Variants in CERS6 observed in about 807,000 individuals in gnomAD.
CERS6 encodes the protein ceramide synthase 6, also known as LAG1 homolog, ceramide synthase 6.
In CERS6, 26 loss-of-function variants were observed where a neutral mutation model predicts 56.8. That is an observed-to-expected ratio of 0.46 (90% CI 0.34 to 0.63). CERS6 has a LOEUF of 0.63. Among genes scored for constraint, CERS6 ranks in the 30% least tolerant of loss-of-function variants. The pLI, the probability that CERS6 is intolerant of heterozygous loss-of-function variation, is 0.01. For synonymous variants in CERS6, 164 were observed against 173.3 expected, an observed-to-expected ratio of 0.95 and a Z score of 0.42; for missense variants, 415 against 467.5, an observed-to-expected ratio of 0.89 and a Z score of 1.04.
At chr2:168,686,697 C>T (rs1459701698) in intron 4 of CERS6, among the ~76,000 whole-genome samples, 4 of 152,038 alleles carry the variant, frequency 2.6e-5, no homozygotes. Context: ...CCCAGAGTAC[C>T]CAGCGGAAGG....
chr2:168,459,000 T>A (rs1301574888), intron 1 of CERS6, among the ~76,000 whole-genome samples: 1 of 152,244 alleles, frequency 6.6e-6, no homozygotes, highest in Non-Finnish European at 1.5e-5. Context: ...CAACTCACAT[T>A]CAATGGCCTT....
At chr2:168,586,612 G>T (rs765948710) in intron 3 of CERS6, among the ~76,000 whole-genome samples, 7 of 152,066 alleles carry the variant, frequency 4.6e-5, no homozygotes, top group African/African-American at 7.2e-5. Context: ...TAAAATGATT[G>T]TTTGGGGTCC....
chr2:168,757,161 G>A (rs1684438221), intron 8 of CERS6, among the ~76,000 whole-genome samples: 1 of 152,076 alleles, frequency 6.6e-6, no homozygotes, highest in African/African-American at 2.4e-5. Context: ...TCTCTCTTAT[G>A]TACACATAGG....
intron 3 of CERS6, among the ~76,000 whole-genome samples, chr2:168,596,546 TC>T (rs368692828): frequency 0.034 from 3,635 of 106,260 alleles, 186 homozygotes; most frequent in African/African-American, 0.11. Flanking sequence ...CAGGGCCCCA[TC>T]CCCCCCCCTT....
intron 4 of CERS6, among the ~76,000 whole-genome samples, chr2:168,657,640 C>T (rs1685518915): frequency 6.6e-6 from 1 of 152,250 alleles, no homozygotes; most frequent in Admixed American, 6.5e-5. Context: ...TGGACCGGCA[C>T]TGCTGGGGGA....
At chr2:168,631,158 A>C (rs4667585) in intron 4 of CERS6, 116 bp downstream of exon 4, 353,364 of 509,556 alleles carry the variant, frequency 0.69, 127,000 homozygotes, top group Admixed American at 0.76. Flanking sequence ...CAGGCTTCCT[A>C]AGAATTATTT....
intron 6 of CERS6, among the ~76,000 whole-genome samples, chr2:168,699,785 G>T (rs762732125): frequency 6.6e-6 from 1 of 152,092 alleles, no homozygotes; most frequent in Non-Finnish European, 1.5e-5. Context: ...AATAAAAGAT[G>T]TTTAAAACAT....
chr2:168,503,220 C>T (rs116001537), intron 1 of CERS6, among the ~76,000 whole-genome samples: 2,516 of 152,262 alleles, frequency 0.017, 50 homozygotes, highest in African/African-American at 0.058. Context: ...TTCCTGAGGC[C>T]TCCCCAGCCA....
chr2:168,608,963 T>C (rs1684120051), intron 3 of CERS6, among the ~76,000 whole-genome samples: 1 of 152,196 alleles, frequency 6.6e-6, no homozygotes, highest in African/African-American at 2.4e-5. Context: ...CTCCAATGAG[T>C]CAGTGTCAGG....
chr2:168,665,501 A>G (rs977761801), intron 4 of CERS6, among the ~76,000 whole-genome samples: 1 of 152,106 alleles, frequency 6.6e-6, no homozygotes, highest in African/African-American at 2.4e-5. Context: ...GGTGGGAACT[A>G]TTGTATCTCT....
At chr2:168,458,084 G>A (rs1226289206) in intron 1 of CERS6, among the ~76,000 whole-genome samples, 3 of 152,102 alleles carry the variant, frequency 2.0e-5, no homozygotes, top group Non-Finnish European at 4.4e-5. Context: ...TAGAGCAAAT[G>A]TTTGGTTACA....
At chr2:168,470,488 C>T (rs1012323327) in intron 1 of CERS6, among the ~76,000 whole-genome samples, 3 of 152,060 alleles carry the variant, frequency 2.0e-5, no homozygotes, top group Admixed American at 2.0e-4. Context: ...TAAAAGGCTC[C>T]CCATTAAGTG....
At chr2:168,487,814 G>C (rs1694301704) in intron 1 of CERS6, among the ~76,000 whole-genome samples, 1 of 152,092 alleles carries the variant, frequency 6.6e-6, no homozygotes, top group Non-Finnish European at 1.5e-5. Flanking sequence ...TTAAACTCCT[G>C]GGTTCAACCA....
At chr2:168,645,148 G>T (rs1322757845) in intron 4 of CERS6, among the ~76,000 whole-genome samples, 486 of 29,300 alleles carry the variant, frequency 0.017, 10 homozygotes, top group African/African-American at 0.055. Context: ...TATATAGAGA[G>T]AGAGAGAGAG....
intron 9 of CERS6, chr2:168,766,445 A>G: frequency 9.5e-7 from 1 of 1,057,920 alleles, no homozygotes; most frequent in South Asian, 1.3e-5. Context: ...TGTTCTGTCT[A>G]ACCTATTGGC....
intron 1 of CERS6, among the ~76,000 whole-genome samples, chr2:168,541,508 G>A (rs902478267): frequency 2.7e-5 from 4 of 150,764 alleles, no homozygotes; most frequent in Admixed American, 2.6e-4. Flanking sequence ...GCATGGTTCA[G>A]GTTCACTGAA....
intron 6 of CERS6, among the ~76,000 whole-genome samples, chr2:168,698,524 C>T (rs1686724654): frequency 6.6e-6 from 1 of 152,182 alleles, no homozygotes; most frequent in East Asian, 1.9e-4. Context: ...AACTCACAAT[C>T]CCGATGACAG....
In CERS6 at chr2:168,647,162, G is replaced by T. The variant is rs144615324; in HGVS notation, c.465+16120G>T. On this transcript the variant is annotated intron_variant, in intron 4 of 9. Transcript: ENST00000305747. ...AATTATATTGATTCTTCCTATCCATGAACATAGGGTGTTTTGTTGTTTGTG... is the reference window on the plus strand; with the variant it reads ...AATTATATTGATTCTTCCTATCCATTAACATAGGGTGTTTTGTTGTTTGTG... Among the ~76,000 whole-genome samples the T allele has an allele frequency of 2.1e-4, 32 of 152,312 alleles. No homozygotes were observed. The East Asian group carries it at 6.2e-3, about 29-fold the overall frequency.
Position 168,774,009 on chromosome 2 carries a change from G to A in CERS6, c.*4347G>A, listed in dbSNP as rs746916731. ...TGTATTGGAGAACTTAAAACATCACGAATATTTTTAATAGGATCCGCAGAC... is the reference window on the plus strand; with the variant it reads ...TGTATTGGAGAACTTAAAACATCACAAATATTTTTAATAGGATCCGCAGAC... On this transcript the variant is annotated 3_prime_UTR_variant, in exon 10 of 10. Transcript: ENST00000305747. The A allele has an allele frequency of 1.1e-4, 17 of 152,136 alleles. No homozygotes were observed. Among genetic ancestry groups the A allele is most frequent in the Non-Finnish European group, 2.2e-4 (15 of 68,026 alleles). The allele number at this position is 152,136 out of a possible 1,614,324, so 9.4% of individuals were successfully genotyped here.
Sources: allele counts gnomAD v4.1 joint callset (sites outside exome capture counted in the v4.1 genomes callset), GRCh38; gene constraint gnomAD v4.1.1; transcripts MANE v1.5; gene names NCBI Gene and HGNC (gene_info 2026-07-23, HGNC 2026-07-21).